The following UGGT1 variants were observed in gnomAD, a reference collection of about 807,000 sequenced individuals.
UGGT1 encodes UDP-glucose glycoprotein glucosyltransferase 1, also known as UDP-glucose:glycoprotein glucosyltransferase 1.
Under a neutral mutation model 203.9 loss-of-function variants are expected in UGGT1, and 107 were observed. The ratio of observed to expected loss-of-function variants is 0.52; its 90% confidence interval spans 0.45 to 0.62. The LOEUF (loss-of-function observed/expected upper bound fraction) is 0.62, where lower values mean the gene tolerates loss of function less well. Among genes scored for constraint, UGGT1 ranks in the 20% least tolerant of loss-of-function variants. The pLI is 0.00. For missense variants in UGGT1, 1,673 were observed against 1,867.2 expected (o/e 0.90, Z 1.92); for synonymous variants, 628 against 653.5 (o/e 0.96, Z 0.59).
chr2:128,116,376 C>A, intron 8 of UGGT1, 33 bp downstream of exon 8: 1 of 1,410,968 alleles, frequency 7.1e-7, no homozygotes. Context: ...GGGAAACGCC[C>A]TCATTTTCTT....
At chr2:128,143,346 A>G (rs1689531464) in intron 17 of UGGT1, 121 bp downstream of exon 17, 2 of 1,132,240 alleles carry the variant, frequency 1.8e-6, no homozygotes, top group Non-Finnish European at 2.4e-6. Flanking sequence ...TTAGCATTTA[A>G]AAGTTTAGAA....
At position 128,190,440 on chromosome 2, in the gene UGGT1, C is replaced by G. The variant is rs1418587597; in HGVS notation, c.*698C>G. 1 of 152,196 alleles carries G rather than the reference C, an allele frequency of 6.6e-6. No individual in the cohort carries two copies. The highest frequency in any genetic ancestry group is 1.5e-5 in the Non-Finnish European group (1 of 68,062). The allele number at this position is 152,196 out of a possible 1,614,324, so 9.4% of individuals were successfully genotyped here. A position where few individuals can be genotyped will look rare whatever the true frequency, so the allele number is the denominator to read the frequency against. Reference sequence around the variant, plus strand: ...TAAGGGAAGGGAAGGAAGACCAGAACTGGCCATCCTCTTTTATAATCCATT... The same window carrying G: ...TAAGGGAAGGGAAGGAAGACCAGAAGTGGCCATCCTCTTTTATAATCCATT... On this transcript the variant is annotated 3_prime_UTR_variant, in exon 41 of 41. Coordinates refer to ENST00000259253, the MANE Select transcript of UGGT1 (RefSeq NM_020120.4).
At chr2:128,164,672 A>G in intron 25 of UGGT1, 58 bp from the exon 26 acceptor site, 1 of 1,449,244 alleles carries the variant, frequency 6.9e-7, no homozygotes, top group East Asian at 2.3e-5. Context: ...ATGTTTGGCA[A>G]TAATTGGAAA....
chr2:128,158,323 C>A (rs1690345835), intron 22 of UGGT1, among the ~76,000 whole-genome samples: 1 of 152,138 alleles, frequency 6.6e-6, no homozygotes, highest in Admixed American at 6.5e-5. Context: ...CCACTCAGGT[C>A]AAAAAATAGA....
Position 128,109,692 on chromosome 2 carries a change from A to G in UGGT1, c.467A>G (p.Lys156Arg), listed in dbSNP as rs749174470. Reference protein sequence around the residue: ...GCNSFFSVHGKKTCESDTLEA... With the variant: ...GCNSFFSVHGRKTCESDTLEA... ...AATTCGTTTTTTTCAGTGCATGGAAAGAAGACTTGTGAATCTGATACCCTT... is the reference window on the plus strand; with the variant it reads ...AATTCGTTTTTTTCAGTGCATGGAAGGAAGACTTGTGAATCTGATACCCTT... The change falls in exon 5 of 41, where the codon AAG (lysine) becomes AGG (arginine). Residue 156 changes from lysine (K) to arginine (R), a missense_variant. Physicochemically the swap from Lys to Arg is conservative, Grantham distance 26. Transcript: ENST00000259253. The G allele has an allele frequency of 4.9e-5, 79 of 1,614,042 alleles. No homozygotes were observed. The highest frequency in any genetic ancestry group is 6.7e-5 in the Non-Finnish European group (79 of 1,180,028).
At chr2:128,097,679 CCT>C (rs1288336152) in intron 2 of UGGT1, 115 bp downstream of exon 2, 2 of 1,328,964 alleles carry the variant, frequency 1.5e-6, no homozygotes, top group South Asian at 2.7e-5. Context: ...TTATGAAGAG[CCT>C]CTTTCAGTGT....
intron 34 of UGGT1, among the ~76,000 whole-genome samples, chr2:128,178,908 G>A (rs1691541206): frequency 6.6e-6 from 1 of 152,160 alleles, no homozygotes; most frequent in Non-Finnish European, 1.5e-5. Flanking sequence ...CAGAACCATG[G>A]AATACTTCAC....
intron 40 of UGGT1, among the ~76,000 whole-genome samples, 178 bp from the exon 41 acceptor site, chr2:128,189,534 CTTTAA>C (rs1375391746): frequency 5.9e-5 from 9 of 152,074 alleles, no homozygotes; most frequent in African/African-American, 2.2e-4. Context: ...TTTAAAAAAT[CTTTAA>C]TTTAGTTTTT....
chr2:128,164,614 T>C, intron 25 of UGGT1, 116 bp from the exon 26 acceptor site: 2 of 813,574 alleles, frequency 2.5e-6, no homozygotes, highest in South Asian at 3.0e-5. Flanking sequence ...ACGGACTTTA[T>C]ACCTTGTTCA....
rs200858489 is a variant in UGGT1, at chr2:128,116,352, G to A, written c.872+9G>A. ...CTCTTTGGAAAATTAAGGTATGTAT[G>A]TTCTGTGTATTTTGGGAAACGCCCT... On this transcript the variant is annotated intron_variant, in intron 8 of 40. Coordinates refer to ENST00000259253, the MANE Select transcript of UGGT1 (RefSeq NM_020120.4). 83 of 1,579,822 alleles carry A rather than the reference G, an allele frequency of 5.3e-5. 1 individual carries two copies. The Middle Eastern group carries it at 8.3e-4, about 16-fold the overall frequency.
At chr2:128,128,246 TTTG>T (rs1195013072) in intron 12 of UGGT1, among the ~76,000 whole-genome samples, 1 of 152,144 alleles carries the variant, frequency 6.6e-6, no homozygotes, top group Non-Finnish European at 1.5e-5. Flanking sequence ...ACTTTATTCA[TTTG>T]TTGTTTTGAG....
At chr2:128,186,908 T>G in intron 39 of UGGT1, 109 bp downstream of exon 39, 1 of 812,626 alleles carries the variant, frequency 1.2e-6, no homozygotes, top group Non-Finnish European at 2.0e-6. Flanking sequence ...CCTAGATTCT[T>G]ATTTAGACTT....
Position 128,145,949 on chromosome 2 carries a change from C to A in UGGT1, c.1998C>A (p.Phe666Leu). Residue 666 changes from phenylalanine to leucine, a missense_variant, in exon 18 of 41, where the codon TTC (phenylalanine) becomes TTA (leucine). Phe to Leu is a conservative substitution (Grantham distance 22). Around this residue, in one of 4 missense-constraint regions of UGGT1, gnomAD observed 1,073 missense variants for 1,078.7 expected, o/e 0.99. Coordinates refer to ENST00000259253, the MANE Select transcript of UGGT1 (RefSeq NM_020120.4). ...MHKILETTTF[F>L]QRAVYLGELP... is the part of the protein sequence containing the mutation. Reference sequence around the variant, plus strand: ...AAATCCTGGAGACCACCACCTTCTTCCAAAGAGCGGTGTACTTGGTGAGTC... The same window carrying A: ...AAATCCTGGAGACCACCACCTTCTTACAAAGAGCGGTGTACTTGGTGAGTC... The A allele has an allele frequency of 1.2e-6, 2 of 1,614,006 alleles. No individual in the cohort carries two copies. Among genetic ancestry groups the A allele is most frequent in the Non-Finnish European group, 1.7e-6 (2 of 1,179,992 alleles).
chr2:128,107,199 C>T (rs1051632861), intron 3 of UGGT1, among the ~76,000 whole-genome samples: 6 of 28,204 alleles, frequency 2.1e-4, no homozygotes, highest in Non-Finnish European at 9.8e-4. Flanking sequence ...ATTCTTTCTA[C>T]TGGTTTAAAA....
intron 18 of UGGT1, 70 bp from the exon 19 acceptor site, chr2:128,152,714 T>A: frequency 6.5e-7 from 1 of 1,547,896 alleles, no homozygotes; most frequent in Non-Finnish European, 8.7e-7. Context: ...AATTTTTTGG[T>A]TCCTAATGAA....
intron 17 of UGGT1, among the ~76,000 whole-genome samples, chr2:128,144,955 C>G (rs2105463075): frequency 6.6e-6 from 1 of 152,306 alleles, no homozygotes; most frequent in South Asian, 2.1e-4. Context: ...AAAAGTTAAT[C>G]TGAGGGACAA....
intron 5 of UGGT1, among the ~76,000 whole-genome samples, chr2:128,111,740 C>T (rs931659242): frequency 4.0e-5 from 6 of 151,884 alleles, no homozygotes; most frequent in Non-Finnish European, 8.8e-5. Flanking sequence ...CGTGATCCGC[C>T]CGCCTCGGCC....
chr2:128,145,630 ATTAAC>A (rs1248062401), intron 17 of UGGT1, 168 bp from the exon 18 acceptor site: 1 of 649,820 alleles, frequency 1.5e-6, no homozygotes, highest in African/African-American at 1.9e-5. Context: ...ATAGTAGGAT[ATTAAC>A]TTTGATGTCA....
chr2:128,170,256 C>T (rs1691026072), intron 26 of UGGT1, 32 bp from the exon 27 acceptor site: 2 of 1,594,316 alleles, frequency 1.3e-6, no homozygotes, highest in Non-Finnish European at 1.7e-6. Flanking sequence ...CTGTGTCCTC[C>T]AGGTTAATGT....
Sources: gnomAD v4.1 joint callset for allele counts (sites outside exome capture counted in the v4.1 genomes callset) on GRCh38, gnomAD v4.1.1 for gene constraint, gnomAD v4.1.1 regional missense constraint, MANE v1.5 for transcripts, NCBI Gene and HGNC (gene_info 2026-07-23, HGNC 2026-07-21) for gene names.